The following C1QBP variants were observed in gnomAD, a reference collection of about 807,000 sequenced individuals.
The protein encoded by C1QBP is complement component 1 Q subcomponent-binding protein, mitochondrial.
A neutral mutation model predicts 29.4 loss-of-function variants in C1QBP; 24 were observed. The ratio of observed to expected loss-of-function variants is 0.82; its 90% CI spans 0.59 to 1.15. C1QBP has a LOEUF of 1.15. Among genes scored for constraint, C1QBP ranks in the 50% most tolerant of loss-of-function variants. The pLI, the probability that C1QBP is intolerant of heterozygous loss-of-function variation, is 0.00. For synonymous variants in C1QBP, 182 were observed against 149.2 expected (o/e 1.22, Z -1.60); for missense variants, 337 against 355.8 (o/e 0.95, Z 0.43).
chr17:5,438,683 G>A lies in C1QBP; in HGVS notation c.232+159C>T. 9 of 1,455,464 alleles carry A rather than the reference G, an allele frequency of 6.2e-6. No homozygotes were observed. In the Middle Eastern group the frequency reaches 1.4e-3, roughly 234 times the overall value. 90.2% of individuals were successfully genotyped at this position (1,455,464 alleles called of 1,614,324 possible). A position where few individuals can be genotyped will look rare whatever the true frequency, so the allele number is the denominator to read the frequency against. Reference sequence around the variant, plus strand: ...AAAAGAAAACGAAACTGCTGGATAGGGGAGGTGGGGGAAATATGATCATAC... The same window carrying A: ...AAAAGAAAACGAAACTGCTGGATAGAGGAGGTGGGGGAAATATGATCATAC... On this transcript the variant is annotated intron_variant, in intron 1 of 5. Coordinates refer to ENST00000225698, the MANE Select transcript of C1QBP (RefSeq NM_001212.4).
rs1302934081 is a variant in C1QBP at position 5,433,403 on chromosome 17, C to T, written c.589G>A (p.Asp197Asn). The change falls in exon 5 of 6, where the codon GAC becomes AAC. Residue 197 changes from aspartate (D) to asparagine (N), a missense_variant. Physicochemically the swap from Asp to Asn is conservative, Grantham distance 23. Coordinates refer to ENST00000225698, the MANE Select transcript of C1QBP (RefSeq NM_001212.4). ...HYPEDEVGQE[D>N]EAESDIFSIR... ...GAGAAGATGTCACTCTCAGCCTCGTCTTCTTGTCCAACCTGAGAAGAAACA... is the reference window on the plus strand; with the variant it reads ...GAGAAGATGTCACTCTCAGCCTCGTTTTCTTGTCCAACCTGAGAAGAAACA... 3 of 1,614,142 alleles carry T rather than the reference C, an allele frequency of 1.9e-6. No homozygotes were observed. The highest frequency in any genetic ancestry group is 1.1e-5 in the South Asian group (1 of 91,082).
chr17:5,433,684 A>G lies in C1QBP; in HGVS notation c.561T>C (p.His187=). The change falls in exon 4 of 6, where the codon CAT becomes CAC. Residue 187 remains histidine, a synonymous_variant. Coordinates refer to ENST00000225698, the MANE Select transcript of C1QBP (RefSeq NM_001212.4). ...DGKKALVLDC[H]YPEDEVGQED... Reference sequence around the variant, plus strand: ...TCCTGCATACCTCATCCTCTGGATAATGACAGTCCAACACAAGGGCCTTCT... The same window carrying G: ...TCCTGCATACCTCATCCTCTGGATAGTGACAGTCCAACACAAGGGCCTTCT... The G allele has an allele frequency of 6.2e-7, 1 of 1,614,198 alleles. No homozygotes were observed. Among genetic ancestry groups the G allele is most frequent in the Non-Finnish European group, 8.5e-7 (1 of 1,180,018 alleles).
In C1QBP at chr17:5,439,133, C is replaced by G. The variant is rs1394732447; in HGVS notation, c.-60G>C. ...GGACAACCCAGGCCTAGGCGCCCCG[C>G]GACCTGAGGCGCCGCCGGAAGCCCC... On this transcript the variant is annotated 5_prime_UTR_variant, in exon 1 of 6. Transcript: ENST00000225698. The G allele has an allele frequency of 6.5e-7, 1 of 1,528,412 alleles. No homozygotes were observed. 94.7% of individuals were successfully genotyped at this position (1,528,412 alleles called of 1,614,324 possible). A position where few individuals can be genotyped will look rare whatever the true frequency, so the allele number is the denominator to read the frequency against.
rs748825145 is a variant in C1QBP, at chr17:5,433,276, C to A, written c.699+17G>T. ...TTCCAAGGCCCAAAAGGTTCCCCCA[C>A]CTTATCAAGCACTCACCCAGTCCAA... On this transcript the variant is annotated intron_variant, in intron 5 of 5. Transcript: ENST00000225698. 6.2e-7 allele frequency: 1 copy of A among 1,613,984 alleles called. No homozygotes were observed. Among genetic ancestry groups the A allele is most frequent in the Non-Finnish European group, 8.5e-7 (1 of 1,180,002 alleles).
In C1QBP at chr17:5,439,122, T is replaced by C. The variant is rs1309315997; in HGVS notation, c.-49A>G. 1.6e-5 allele frequency: 25 copies of C among 1,534,112 alleles called. No homozygotes were observed. Among genetic ancestry groups the C allele is most frequent in the East Asian group, 2.5e-5 (1 of 39,512 alleles). On this transcript the variant is annotated 5_prime_UTR_variant, in exon 1 of 6. Transcript: ENST00000225698. ...GCAGATGCAAAGGACAACCCAGGCCTAGGCGCCCCGCGACCTGAGGCGCCG... is the reference window on the plus strand; with the variant it reads ...GCAGATGCAAAGGACAACCCAGGCCCAGGCGCCCCGCGACCTGAGGCGCCG...
intron 3 of C1QBP, 79 bp from the exon 4 acceptor site, chr17:5,433,846 C>G (rs1916181003): frequency 8.5e-7 from 1 of 1,180,472 alleles, no homozygotes. Flanking sequence ...TTCAGAGTGT[C>G]TGATGGCCAC....
intron 2 of C1QBP, 57 bp downstream of exon 2, chr17:5,438,066 A>G: frequency 6.3e-7 from 1 of 1,576,176 alleles, no homozygotes; most frequent in African/African-American, 1.4e-5. Context: ...ATGACCCAGG[A>G]TGGGTCCTGC....
At chr17:5,433,809 G>A in intron 3 of C1QBP, 42 bp from the exon 4 acceptor site, 1 of 1,542,652 alleles carries the variant, frequency 6.5e-7, no homozygotes. Flanking sequence ...GCTGGAAGGA[G>A]ATGGATGGCT....
Position 5,433,298 on chromosome 17 carries a change from C to A in C1QBP, c.694G>T (p.Asp232Tyr), listed in dbSNP as rs547875134. 1 of 1,614,156 alleles carries A rather than the reference C, an allele frequency of 6.2e-7. No homozygotes were observed. Among genetic ancestry groups the A allele is most frequent in the Admixed American group, 1.7e-5 (1 of 60,024 alleles). ...CCACCTTATCAAGCACTCACCCAGT[C>A]CAAGGAATCTGTGTTGAGTGTATAA... ...TNYTLNTDSLDWALYDHLMDF... is the reference protein window; with the variant it reads ...TNYTLNTDSLYWALYDHLMDF... Residue 232 changes from aspartate to tyrosine, a missense_variant, in exon 5 of 6, where the codon GAC becomes TAC. Physicochemically the swap from Asp to Tyr is radical, Grantham distance 160. Transcript: ENST00000225698.
At chr17:5,438,820 C>T (rs765758522) in intron 1 of C1QBP, 22 bp downstream of exon 1, 31 of 1,547,302 alleles carry the variant, frequency 2.0e-5, no homozygotes, top group Middle Eastern at 2.0e-4. Flanking sequence ...GCAAACCACA[C>T]CCCCGGCCCG....
rs1416969136 is a variant in C1QBP, at chr17:5,436,046, A to AG, written c.384-1081_384-1080insC. Among the ~76,000 whole-genome samples the AG allele has an allele frequency of 2.9e-3, 251 of 87,922 alleles. 1 individual carries two copies. The highest frequency in any genetic ancestry group is 4.6e-3 in the Non-Finnish European group (203 of 44,344). The allele number at this position is 87,922 out of a possible 152,430, so 57.7% of individuals were successfully genotyped here. On this transcript the variant is annotated intron_variant, in intron 2 of 5. Coordinates refer to ENST00000225698, the MANE Select transcript of C1QBP (RefSeq NM_001212.4). Reference sequence around the variant, plus strand: ...GGAGACACAGCAAGACTCTGTCAGAAAAAAAAAAAAAAAAAAAAGAGTACA... The same window carrying AG: ...GGAGACACAGCAAGACTCTGTCAGAAGAAAAAAAAAAAAAAAAAAGAGTACA...
intron 4 of C1QBP, 56 bp from the exon 5 acceptor site, chr17:5,433,471 G>A (rs4790264): frequency 6.2e-7 from 1 of 1,607,368 alleles, no homozygotes; most frequent in Non-Finnish European, 8.5e-7. Context: ...GCTAGACTCA[G>A]GGGAAGAAAG....
Position 5,433,554 on chromosome 17 carries a change from G to GGGCT in C1QBP, c.576+111_576+114dup, listed in dbSNP as rs567970574. On this transcript the variant is annotated intron_variant, in intron 4 of 5. Transcript: ENST00000225698. ...CACTCCCCACCTCTCTCCCCCTGCT[G>GGGCT]GGCTGGTCTAAGCTAGAAAAGTGTT... is the stretch of plus-strand genomic sequence containing the variant. The GGGCT allele has an allele frequency of 1.1e-4, 160 of 1,511,464 alleles. No homozygotes were observed. The African/African-American group carries it at 1.8e-3, about 17-fold the overall frequency. The allele number at this position is 1,511,464 out of a possible 1,614,324, so 93.6% of individuals were successfully genotyped here. A position where few individuals can be genotyped will look rare whatever the true frequency, so the allele number is the denominator to read the frequency against.
chr17:5,433,231 C>A lies in C1QBP; in HGVS notation c.699+62G>T, dbSNP rs1218261291. ...TGAACATTAAAATGCTTTTTTCTCC[C>A]CTTGAACTAGGACCCTTCCTTCCAA... On this transcript the variant is annotated intron_variant, in intron 5 of 5. Transcript: ENST00000225698. The A allele has an allele frequency of 6.8e-6, 11 of 1,608,892 alleles. No individual in the cohort carries two copies. The East Asian group carries it at 2.2e-4, about 33-fold the overall frequency.
At chr17:5,436,517 T>C (rs893996326) in intron 2 of C1QBP, among the ~76,000 whole-genome samples, 4 of 151,368 alleles carry the variant, frequency 2.6e-5, no homozygotes, top group African/African-American at 9.8e-5. Flanking sequence ...CTTGGTGAAT[T>C]AGAAGCAAAG....
At chr17:5,433,523 T>C in intron 4 of C1QBP, 108 bp from the exon 5 acceptor site, 1 of 1,531,842 alleles carries the variant, frequency 6.5e-7, no homozygotes, top group East Asian at 2.2e-5. Context: ...TTTAACCCTC[T>C]TCCCTCACTC....
Position 5,434,906 on chromosome 17 carries a change from T to C in C1QBP, c.444A>G (p.Glu148=), listed in dbSNP as rs1567591917. 6 of 1,614,064 alleles carry C rather than the reference T, an allele frequency of 3.7e-6. No individual in the cohort carries two copies. Among genetic ancestry groups the C allele is most frequent in the Non-Finnish European group, 5.1e-6 (6 of 1,179,940 alleles). ...SIPPTFDGEE[E]PSQGQKVEEQ... The stretch of plus-strand genomic sequence containing the variant: ...CTTCAACCTTCTGCCCTTGCGAGGG[T>C]TCCTCCTCACCATCAAATGTTGGTG... The change falls in exon 3 of 6, where the codon GAA becomes GAG. Residue 148 remains glutamate (E), a synonymous_variant. Coordinates refer to ENST00000225698, the MANE Select transcript of C1QBP (RefSeq NM_001212.4).
intron 1 of C1QBP, chr17:5,438,628 C>G (rs1916337445): frequency 1.0e-6 from 1 of 999,700 alleles, no homozygotes; most frequent in South Asian, 1.7e-5. Flanking sequence ...AAAAAGGTAC[C>G]CTAGTATTTA....
chr17:5,438,606 A>G lies in C1QBP; in HGVS notation c.232+236T>C, dbSNP rs917769795. The stretch of plus-strand genomic sequence containing the variant: ...TTCCCAAAGGTCCACTTTCGATAGA[A>G]TAAGACTAAGGAAAAAGGTACCCTA... On this transcript the variant is annotated intron_variant, in intron 1 of 5. Coordinates refer to ENST00000225698, the MANE Select transcript of C1QBP (RefSeq NM_001212.4). 7 of 893,296 alleles carry G rather than the reference A, an allele frequency of 7.8e-6. No individual in the cohort carries two copies. The African/African-American group carries it at 1.2e-4, about 15-fold the overall frequency. 55.3% of individuals were successfully genotyped at this position (893,296 alleles called of 1,614,324 possible). A position where few individuals can be genotyped will look rare whatever the true frequency, so the allele number is the denominator to read the frequency against.
Sources: allele counts gnomAD v4.1 joint callset (sites outside exome capture counted in the v4.1 genomes callset), GRCh38; gene constraint gnomAD v4.1.1; transcripts MANE v1.5; gene names NCBI Gene and HGNC (gene_info 2026-07-23, HGNC 2026-07-21).